The following CYTH4 variants were observed in gnomAD, a reference collection of about 807,000 sequenced individuals.
CYTH4 encodes cytohesin 4.
In CYTH4, 22 loss-of-function variants were observed where a neutral mutation model predicts 57.5. The observed-to-expected ratio is 0.38, with a 90% CI of 0.27 to 0.55. The LOEUF is 0.55. Among genes scored for constraint, CYTH4 ranks in the 20% least tolerant of loss-of-function variants. The probability of loss-of-function intolerance (pLI) is 0.74; values close to 1 mark genes in which losing one functional copy is unlikely to be tolerated. For synonymous variants in CYTH4, 186 were observed against 206.5 expected (o/e 0.90, Z 0.85); for missense variants, 420 against 535.6 (o/e 0.78, Z 2.13).
chr22:37,305,350 T>G (rs1203559965), intron 8 of CYTH4, among the ~76,000 whole-genome samples: 3 of 152,186 alleles, frequency 2.0e-5, no homozygotes, highest in Non-Finnish European at 1.5e-5. Flanking sequence ...TAGGAAGCCC[T>G]TATTATCCTC....
At chr22:37,286,863 C>T (rs1158125136) in intron 1 of CYTH4, among the ~76,000 whole-genome samples, 1 of 151,982 alleles carries the variant, frequency 6.6e-6, no homozygotes, top group African/African-American at 2.4e-5. Context: ...GGAAACTGGA[C>T]CAGAATGGGT....
rs770109038 is a variant in CYTH4 at position 37,297,697 on chromosome 22, A to G, written c.353+15A>G. 1 of 1,603,010 alleles carries G rather than the reference A, an allele frequency of 6.2e-7. No homozygotes were observed. Among genetic ancestry groups the G allele is most frequent in the Admixed American group, 1.7e-5 (1 of 59,964 alleles). ...CTGGGGGAGAGGTAAGAACGAGTGGAGCCTTAGCGAGGCAGGAAATGAAGG... is the reference window on the plus strand; with the variant it reads ...CTGGGGGAGAGGTAAGAACGAGTGGGGCCTTAGCGAGGCAGGAAATGAAGG... On this transcript the variant is annotated intron_variant, in intron 5 of 12. Coordinates refer to ENST00000248901, the MANE Select transcript of CYTH4 (RefSeq NM_013385.5).
intron 2 of CYTH4, 87 bp downstream of exon 2, chr22:37,292,790 G>C: frequency 7.1e-7 from 1 of 1,398,956 alleles, no homozygotes; most frequent in South Asian, 1.2e-5. Flanking sequence ...ACCCAGCCTG[G>C]TCAACAGACA....
intron 9 of CYTH4, among the ~76,000 whole-genome samples, chr22:37,310,217 G>T (rs1040580940): frequency 6.6e-6 from 1 of 151,918 alleles, no homozygotes; most frequent in Non-Finnish European, 1.5e-5. Flanking sequence ...GCACTCGGCC[G>T]CCTGTCCTGC....
At position 37,295,848 on chromosome 22, in the gene CYTH4, C is replaced by A; in HGVS notation, c.168-151C>A. 1.3e-6 allele frequency: 1 copy of A among 753,066 alleles called. No homozygotes were observed. 46.6% of individuals were successfully genotyped at this position (753,066 alleles called of 1,614,324 possible). ...GGAGCCAGGCCTTGCACTGCTCTCT[C>A]CCGCCCAGGTGGTTCCCATGCAGGA... On this transcript the variant is annotated intron_variant, in intron 3 of 12. Coordinates refer to ENST00000248901, the MANE Select transcript of CYTH4 (RefSeq NM_013385.5). The surrounding 1 kb of genome is among the most constrained non-coding windows in gnomAD (Gnocchi z 4.1).
chr22:37,285,541 T>C (rs1928524883), intron 1 of CYTH4, among the ~76,000 whole-genome samples: 1 of 151,854 alleles, frequency 6.6e-6, no homozygotes. Flanking sequence ...CCCCCGTCTC[T>C]ACTAAAAATA....
intron 9 of CYTH4, among the ~76,000 whole-genome samples, chr22:37,309,584 ACT>A (rs1929561638): frequency 6.6e-6 from 1 of 152,166 alleles, no homozygotes; most frequent in African/African-American, 2.4e-5. Context: ...AGACAGACCC[ACT>A]GACAAATGCT....
intron 6 of CYTH4, among the ~76,000 whole-genome samples, chr22:37,299,859 C>T (rs1327134349): frequency 4.6e-5 from 7 of 152,064 alleles, no homozygotes; most frequent in Non-Finnish European, 7.4e-5. Context: ...GGCGTGGTGG[C>T]GGGCGCCTGT....
chr22:37,308,564 A>G (rs753111305), intron 8 of CYTH4, among the ~76,000 whole-genome samples: 2 of 147,420 alleles, frequency 1.4e-5, no homozygotes, highest in Non-Finnish European at 3.0e-5. Context: ...GTGCGTGTGT[A>G]TACATGTATG....
At chr22:37,306,124 G>A (rs142025218) in intron 8 of CYTH4, among the ~76,000 whole-genome samples, 1,546 of 152,306 alleles carry the variant, frequency 0.01, 19 homozygotes, top group African/African-American at 0.024. Context: ...GCTGTCAGGC[G>A]CCTGGCACTT....
chr22:37,306,129 G>A (rs1016348873), intron 8 of CYTH4, among the ~76,000 whole-genome samples: 2 of 152,204 alleles, frequency 1.3e-5, no homozygotes, highest in Non-Finnish European at 2.9e-5. Flanking sequence ...CAGGCGCCTG[G>A]CACTTGGCAG....
At position 37,311,679 on chromosome 22, in the gene CYTH4, C is replaced by A; in HGVS notation, c.957+152C>A. 1.3e-6 allele frequency: 1 copy of A among 782,684 alleles called. No homozygotes were observed. The highest frequency in any genetic ancestry group is 2.1e-6 in the Non-Finnish European group (1 of 477,950). The allele number at this position is 782,684 out of a possible 1,614,324, so 48.5% of individuals were successfully genotyped here. A position where few individuals can be genotyped will look rare whatever the true frequency, so the allele number is the denominator to read the frequency against. ...GGCTCAGGGCTGCCTTCTCTCCCTC[C>A]TGGGGCCATGGACAGTGAGAAAAGG... On this transcript the variant is annotated intron_variant, in intron 11 of 12. Coordinates refer to ENST00000248901, the MANE Select transcript of CYTH4 (RefSeq NM_013385.5). The surrounding 1 kb of genome is among the most constrained non-coding windows in gnomAD (Gnocchi z 4.4).
At chr22:37,309,897 G>T in intron 9 of CYTH4, 1 of 394,144 alleles carries the variant, frequency 2.5e-6, no homozygotes, top group South Asian at 1.9e-5. Context: ...AGCTGGGGTG[G>T]GAGCTGCAGT....
At chr22:37,297,726 G>GCAGGTGTGTA (rs760496521) in intron 5 of CYTH4, 44 bp downstream of exon 5, 3 of 1,535,104 alleles carry the variant, frequency 2.0e-6, no homozygotes, top group East Asian at 4.5e-5. Flanking sequence ...ATGAAGGTGT[G>GCAGGTGTGTA]CAGGTGTGTA....
intron 6 of CYTH4, 172 bp from the exon 7 acceptor site, chr22:37,300,735 G>A (rs867722105): frequency 3.6e-5 from 22 of 610,250 alleles, no homozygotes; most frequent in African/African-American, 1.9e-4. Context: ...GCTACCTCCC[G>A]CGTGCTTGGG....
chr22:37,301,085 C>T (rs1929161522), intron 7 of CYTH4, 66 bp downstream of exon 7: 13 of 1,394,754 alleles, frequency 9.3e-6, no homozygotes, highest in Non-Finnish European at 1.3e-5. Flanking sequence ...ATAGATTTCA[C>T]AGACCCCCTC....
intron 2 of CYTH4, among the ~76,000 whole-genome samples, chr22:37,294,208 GGGCGGGGGGTGCA>G (rs1928858696): frequency 8.5e-6 from 1 of 117,642 alleles, no homozygotes; most frequent in Non-Finnish European, 1.8e-5. Context: ...GGGTGGAGGC[GGGCGGGGGGTGCA>G]GGCAGGGTGG....
chr22:37,300,282 T>A (rs1463199883), intron 6 of CYTH4: 2 of 714,178 alleles, frequency 2.8e-6, no homozygotes, highest in Non-Finnish European at 5.2e-6. Flanking sequence ...GTAGGTGACT[T>A]GGGAGTCTCC....
rs1371939740 is a variant in CYTH4 at position 37,295,781 on chromosome 22, C to G, written c.168-218C>G. On this transcript the variant is annotated intron_variant, in intron 3 of 12. Transcript: ENST00000248901. The surrounding 1 kb of genome is among the most constrained non-coding windows in gnomAD (Gnocchi z 4.1). ...GGGTTCCTGCAAGCTGCTAAATGCC[C>G]GTGCTGGGCCCATCAGAGAAGTCAG... Among the ~76,000 whole-genome samples, 2 of 152,220 alleles carry G rather than the reference C, an allele frequency of 1.3e-5. No individual in the cohort carries two copies. Among genetic ancestry groups the G allele is most frequent in the Non-Finnish European group, 2.9e-5 (2 of 68,040 alleles).
Sources: allele counts gnomAD v4.1 joint callset (sites outside exome capture counted in the v4.1 genomes callset), GRCh38; gene constraint gnomAD v4.1.1; non-coding constraint Gnocchi (gnomAD v3.1); transcripts MANE v1.5; gene names NCBI Gene and HGNC (gene_info 2026-07-23, HGNC 2026-07-21).